The following ERP44 variants were observed in gnomAD, a reference collection of about 807,000 sequenced individuals.
ERP44 encodes endoplasmic reticulum protein 44, also known as endoplasmic reticulum resident protein 44.
Under a neutral mutation model 53.4 loss-of-function variants are expected in ERP44, and 25 were observed. The ratio of observed to expected loss-of-function variants is 0.47; its 90% confidence interval spans 0.34 to 0.65. ERP44 has a LOEUF of 0.65. Among genes scored for constraint, ERP44 ranks in the 30% least tolerant of loss-of-function variants. The probability of loss-of-function intolerance (pLI) is 0.01; values close to 1 mark genes in which losing one functional copy is unlikely to be tolerated. For synonymous variants in ERP44, 145 were observed against 161.2 expected (o/e 0.90, Z 0.76); for missense variants, 338 against 493.2 (o/e 0.69, Z 2.98).
intron 4 of ERP44, among the ~76,000 whole-genome samples, chr9:100,041,782 G>A (rs189926529): frequency 6.6e-6 from 1 of 152,108 alleles, no homozygotes; most frequent in Admixed American, 6.5e-5. Flanking sequence ...TTTGACAAAG[G>A]TTCCAAGAAC....
rs148868743 is a variant in ERP44 at position 99,999,496 on chromosome 9, T to A, written c.1016+7010A>T. 5.3e-5 allele frequency among the ~76,000 whole-genome samples: 8 copies of A among 152,296 alleles called. No homozygotes were observed. In the East Asian group the frequency reaches 1.5e-3, roughly 29 times the overall value. ...CGCTTGTGTGTCTTATTTTGAGAAA[T>A]GTTTATTCAGATGCCTTACCCATTT... On this transcript the variant is annotated intron_variant, in intron 10 of 11. Coordinates refer to ENST00000262455, the MANE Select transcript of ERP44 (RefSeq NM_015051.3).
At chr9:99,996,551 G>C (rs1162060670) in intron 10 of ERP44, among the ~76,000 whole-genome samples, 1 of 151,848 alleles carries the variant, frequency 6.6e-6, no homozygotes, top group East Asian at 1.9e-4. Context: ...TCCCCCATTG[G>C]TTATTGGGGT....
At chr9:100,003,831 G>A (rs1388111733) in intron 10 of ERP44, among the ~76,000 whole-genome samples, 1 of 150,384 alleles carries the variant, frequency 6.6e-6, no homozygotes, top group East Asian at 1.9e-4. Context: ...GAGTCCACAG[G>A]GGCTGGCCTG....
At chr9:100,074,002 C>T (rs556985538) in intron 1 of ERP44, among the ~76,000 whole-genome samples, 35 of 152,306 alleles carry the variant, frequency 2.3e-4, no homozygotes, top group African/African-American at 8.2e-4. Context: ...TCCAAAAATA[C>T]TGCTCTAAAG....
Position 100,091,349 on chromosome 9 carries a change from G to A in ERP44, c.57+7435C>T, listed in dbSNP as rs536781517. ...ATTACAGAAGGGACTTCTCCAAAGT[G>A]GCATTTTATTCCTCTCCCCTCTTGA... On this transcript the variant is annotated intron_variant, in intron 1 of 11. Transcript: ENST00000262455. Among the ~76,000 whole-genome samples the A allele has an allele frequency of 2.6e-5, 4 of 152,222 alleles. No homozygotes were observed. The South Asian group carries it at 8.3e-4, about 32-fold the overall frequency.
At chr9:100,070,590 T>C (rs1346431810) in intron 1 of ERP44, among the ~76,000 whole-genome samples, 3 of 152,226 alleles carry the variant, frequency 2.0e-5, no homozygotes, top group African/African-American at 4.8e-5. Context: ...AACAATCTTT[T>C]AACATCACTA....
intron 8 of ERP44, 65 bp from the exon 9 acceptor site, chr9:100,007,754 G>A (rs1398377606): frequency 1.1e-5 from 10 of 917,368 alleles, no homozygotes; most frequent in Admixed American, 3.7e-5. Flanking sequence ...TATTTTCTAG[G>A]TAGGAACAAT....
intron 5 of ERP44, among the ~76,000 whole-genome samples, chr9:100,021,685 C>T (rs548982811): frequency 1.3e-5 from 2 of 152,290 alleles, no homozygotes; most frequent in African/African-American, 4.8e-5. Flanking sequence ...ATAAAAAGAG[C>T]TCATACAAAA....
intron 1 of ERP44, among the ~76,000 whole-genome samples, chr9:100,066,563 A>T (rs1826211402): frequency 6.6e-6 from 1 of 152,206 alleles, no homozygotes; most frequent in African/African-American, 2.4e-5. Context: ...CTTTCTTTAC[A>T]AACTATGTCT....
At chr9:99,996,708 A>G (rs1830312954) in intron 10 of ERP44, among the ~76,000 whole-genome samples, 1 of 152,140 alleles carries the variant, frequency 6.6e-6, no homozygotes, top group South Asian at 2.1e-4. Context: ...AAGTCCCCAA[A>G]GTCCATTGTT....
chr9:100,054,406 G>A (rs148146285), intron 3 of ERP44, among the ~76,000 whole-genome samples: 6 of 152,208 alleles, frequency 3.9e-5, no homozygotes, highest in African/African-American at 1.4e-4. Flanking sequence ...GAGCGGGCAA[G>A]CCTCTTTATG....
chr9:100,017,289 C>T (rs1186598629), intron 7 of ERP44, among the ~76,000 whole-genome samples: 1 of 152,218 alleles, frequency 6.6e-6, no homozygotes, highest in African/African-American at 2.4e-5. Flanking sequence ...TTTATCATCC[C>T]GTTTTTACTA....
chr9:100,090,705 C>T (rs904554954), intron 1 of ERP44, among the ~76,000 whole-genome samples: 2 of 151,546 alleles, frequency 1.3e-5, no homozygotes, highest in Admixed American at 1.3e-4. Context: ...GCCGAGATCA[C>T]GCCATTGCAT....
intron 6 of ERP44, among the ~76,000 whole-genome samples, chr9:100,020,103 T>C (rs1396601751): frequency 6.6e-6 from 1 of 152,142 alleles, no homozygotes; most frequent in African/African-American, 2.4e-5. Flanking sequence ...CAGGAACAAC[T>C]GATGGATCAA....
intron 10 of ERP44, chr9:99,999,114 G>A (rs551753587): frequency 1.7e-5 from 11 of 633,210 alleles, no homozygotes; most frequent in African/African-American, 5.5e-5. Context: ...GCGTGGACAC[G>A]GCGCACCTGA....
intron 4 of ERP44, among the ~76,000 whole-genome samples, chr9:100,031,703 A>G (rs1043382988): frequency 1.3e-5 from 2 of 152,090 alleles, no homozygotes; most frequent in African/African-American, 4.8e-5. Context: ...TAAGAGTGCT[A>G]TGGTTAAAAG....
chr9:100,032,387 C>A (rs1470108903), intron 4 of ERP44, among the ~76,000 whole-genome samples: 1 of 152,160 alleles, frequency 6.6e-6, no homozygotes, highest in African/African-American at 2.4e-5. Context: ...GTGCTTAAAT[C>A]AAGTTATAAA....
chr9:99,985,723 A>G (rs944564530), intron 10 of ERP44, among the ~76,000 whole-genome samples: 1 of 152,192 alleles, frequency 6.6e-6, no homozygotes, highest in East Asian at 1.9e-4. Flanking sequence ...TTTCCTAAAC[A>G]TAGAGGCAAA....
chr9:100,011,187 A>G (rs955989046), intron 8 of ERP44, among the ~76,000 whole-genome samples: 1 of 152,240 alleles, frequency 6.6e-6, no homozygotes, highest in Non-Finnish European at 1.5e-5. Context: ...TGCATTAAAA[A>G]GCAGAGGGAG....
Sources: allele counts gnomAD v4.1 joint callset (sites outside exome capture counted in the v4.1 genomes callset), GRCh38; gene constraint gnomAD v4.1.1; transcripts MANE v1.5; gene names NCBI Gene and HGNC (gene_info 2026-07-23, HGNC 2026-07-21).